STK32C: variants seen among roughly 807,000 people sequenced by gnomAD.
The protein encoded by STK32C is serine/threonine-protein kinase 32C.
A neutral mutation model predicts 56.5 loss-of-function variants in STK32C; 31 were observed. That is an observed-to-expected ratio of 0.55 (90% CI 0.41 to 0.74). STK32C has a LOEUF of 0.74. STK32C is among the 30% of genes least tolerant of loss of function. The probability of loss-of-function intolerance (pLI) is 0.00; values close to 1 mark genes in which losing one functional copy is unlikely to be tolerated. For synonymous variants in STK32C, 309 were observed against 289.4 expected, an observed-to-expected ratio of 1.07 and a Z score of -0.69; for missense variants, 544 against 676.9, an observed-to-expected ratio of 0.80 and a Z score of 2.18.
chr10:132,251,362 C>G (rs1448832890), intron 1 of STK32C, among the ~76,000 whole-genome samples: 1 of 152,220 alleles, frequency 6.6e-6, no homozygotes, highest in African/African-American at 2.4e-5. Flanking sequence ...ACCGAGGAAG[C>G]CGGACAGGCT....
chr10:132,294,607 A>G (rs2065679826), intron 1 of STK32C, among the ~76,000 whole-genome samples: 1 of 152,178 alleles, frequency 6.6e-6, no homozygotes, highest in Non-Finnish European at 1.5e-5. Flanking sequence ...CGGGACACGA[A>G]CATGCATGGC....
At chr10:132,216,306 A>C (rs183323789) in intron 10 of STK32C, among the ~76,000 whole-genome samples, 4 of 152,224 alleles carry the variant, frequency 2.6e-5, no homozygotes, top group Admixed American at 2.6e-4. Context: ...TCTACTAAAA[A>C]TACAAAAATT....
chr10:132,315,867 G>T (rs1255331056), intron 1 of STK32C, among the ~76,000 whole-genome samples: 1 of 152,182 alleles, frequency 6.6e-6, no homozygotes, highest in Admixed American at 6.5e-5. Context: ...AATATATAAT[G>T]TGTTATCTGA....
chr10:132,304,421 C>T (rs1222905597), intron 1 of STK32C, among the ~76,000 whole-genome samples: 1 of 152,228 alleles, frequency 6.6e-6, no homozygotes, highest in African/African-American at 2.4e-5. Context: ...CTCGGGTCCA[C>T]AGCCTGGGGC....
At chr10:132,221,635 C>A (rs998426528) in intron 10 of STK32C, among the ~76,000 whole-genome samples, 1 of 145,812 alleles carries the variant, frequency 6.9e-6, no homozygotes. Context: ...CCCCCACACA[C>A]AACTGATGTC....
intron 5 of STK32C, 28 bp from the exon 6 acceptor site, chr10:132,225,644 G>A (rs748752599): frequency 5.6e-6 from 9 of 1,607,912 alleles, no homozygotes; most frequent in Non-Finnish European, 7.7e-6. Context: ...AGGTGTGGCT[G>A]TCCCAGGACC....
Position 132,307,482 on chromosome 10 carries a change from CGGG to C in STK32C, c.262+87_262+89del. The C allele has an allele frequency of 7.3e-7, 1 of 1,376,290 alleles. No homozygotes were observed. The highest frequency in any genetic ancestry group is 9.5e-7 in the Non-Finnish European group (1 of 1,049,464). 85.3% of individuals were successfully genotyped at this position (1,376,290 alleles called of 1,614,324 possible). A position where few individuals can be genotyped will look rare whatever the true frequency, so the allele number is the denominator to read the frequency against. On this transcript the variant is annotated intron_variant, in intron 1 of 11. Transcript: ENST00000298630. This position sits in a 1 kb window ranked among gnomAD's most constrained non-coding sequence, Gnocchi z 4.4. Reference sequence around the variant, plus strand: ...CGCCCCGGGAAGCCGTCCCGGACACCGGGGGAACCCCTGCGGGAAAAAGCCGCC... The same window carrying C: ...CGCCCCGGGAAGCCGTCCCGGACACCGGAACCCCTGCGGGAAAAAGCCGCC...
At chr10:132,327,664 TG>T (rs552647444) in intron 1 of STK32C, among the ~76,000 whole-genome samples, 1,594 of 152,028 alleles carry the variant, frequency 0.01, 24 homozygotes, top group African/African-American at 0.037. Context: ...TTAGTGGAGA[TG>T]GGGGTTTCGC....
At chr10:132,246,627 C>T (rs1320997670) in intron 1 of STK32C, among the ~76,000 whole-genome samples, 1 of 152,240 alleles carries the variant, frequency 6.6e-6, no homozygotes, top group East Asian at 1.9e-4. Context: ...GCAAGTCCCT[C>T]CGGGAGAAGG....
chr10:132,327,563 C>T (rs759165370), intron 1 of STK32C, among the ~76,000 whole-genome samples: 42 of 151,964 alleles, frequency 2.8e-4, no homozygotes, highest in Non-Finnish European at 2.9e-4. Flanking sequence ...GCAACCTTTG[C>T]TTACCAGGTT....
At chr10:132,278,568 T>G (rs1461647513) in intron 1 of STK32C, among the ~76,000 whole-genome samples, 3 of 152,038 alleles carry the variant, frequency 2.0e-5, no homozygotes, top group Non-Finnish European at 2.9e-5. Flanking sequence ...AAGACCATCC[T>G]GGCTAACACG....
chr10:132,288,909 T>C (rs1248325888), intron 1 of STK32C, among the ~76,000 whole-genome samples: 3 of 152,232 alleles, frequency 2.0e-5, no homozygotes, highest in African/African-American at 7.2e-5. Flanking sequence ...TAACACAGTC[T>C]GAATCAACAT....
intron 1 of STK32C, among the ~76,000 whole-genome samples, chr10:132,300,699 C>T (rs1039580018): frequency 6.6e-6 from 1 of 152,150 alleles, no homozygotes; most frequent in African/African-American, 2.4e-5. Context: ...TCTCTGCCCA[C>T]GCCCAGGGCA....
At chr10:132,296,207 C>T (rs539864254) in intron 1 of STK32C, among the ~76,000 whole-genome samples, 79 of 151,684 alleles carry the variant, frequency 5.2e-4, no homozygotes, top group African/African-American at 1.8e-3. Flanking sequence ...ACACAGCTGA[C>T]CAGTGTCCAA....
chr10:132,332,000 C>A (rs1310185795), upstream of STK32C, among the ~76,000 whole-genome samples: 1 of 142,946 alleles, frequency 7.0e-6, no homozygotes, highest in African/African-American at 2.5e-5. Context: ...CCACACCCGA[C>A]CCCCTGCCGC....
Position 132,307,202 on chromosome 10 carries a change from A to C in STK32C, c.262+370T>G. 1 of 162,756 alleles carries C rather than the reference A, an allele frequency of 6.1e-6. No homozygotes were observed. 10.1% of individuals were successfully genotyped at this position (162,756 alleles called of 1,614,324 possible). ...GGGCGGCACAGGTGAGCGCCTCTCT[A>C]ACTGCAAAGTACAAACGAGCCCGCA... On this transcript the variant is annotated intron_variant, in intron 1 of 11. Transcript: ENST00000298630. This position sits in a 1 kb window ranked among gnomAD's most constrained non-coding sequence, Gnocchi z 4.4.
At position 132,307,916 on chromosome 10, in the gene STK32C, G is replaced by A. The variant is rs2066129808; in HGVS notation, c.-83C>T. ...CGGGAGCGGCAGTGGTAGCGGGAGC[G>A]CTCGGGGCCGGCAGCGCCCGCCGTG... On this transcript the variant is annotated 5_prime_UTR_variant, in exon 1 of 12. Coordinates refer to ENST00000298630, the MANE Select transcript of STK32C (RefSeq NM_173575.4). This position sits in a 1 kb window ranked among gnomAD's most constrained non-coding sequence, Gnocchi z 4.4. 1.8e-6 allele frequency: 2 copies of A among 1,092,734 alleles called. No homozygotes were observed. The highest frequency in any genetic ancestry group is 2.2e-6 in the Non-Finnish European group (2 of 897,760). 67.7% of individuals were successfully genotyped at this position (1,092,734 alleles called of 1,614,324 possible).
Position 132,222,903 on chromosome 10 carries a change from G to A in STK32C, c.1077C>T (p.Asp359=), listed in dbSNP as rs2062734252. The stretch of plus-strand genomic sequence containing the variant: ...GCTCCACCCTCTTCTCGCTCAGGTG[G>A]TCCCACAGCACGCCGGCCAGCGCCG... ...AAPALAGVLW[D]HLSEKRVEPG... The change falls in exon 9 of 12, where the codon GAC becomes GAT. Residue 359 remains aspartate, a synonymous_variant. Transcript: ENST00000298630. 1.3e-6 allele frequency: 2 copies of A among 1,569,704 alleles called. No homozygotes were observed. The highest frequency in any genetic ancestry group is 4.7e-5 in the East Asian group (2 of 42,126).
intron 1 of STK32C, among the ~76,000 whole-genome samples, chr10:132,248,729 A>T (rs2137960901): frequency 6.6e-6 from 1 of 152,270 alleles, no homozygotes; most frequent in South Asian, 2.1e-4. Flanking sequence ...GGGTACCTGG[A>T]GTCCAGTCCT....
Sources: gnomAD v4.1 joint callset for allele counts (sites outside exome capture counted in the v4.1 genomes callset) on GRCh38, gnomAD v4.1.1 for gene constraint, Gnocchi (gnomAD v3.1) non-coding constraint, MANE v1.5 for transcripts, NCBI Gene and HGNC (gene_info 2026-07-23, HGNC 2026-07-21) for gene names.